The following SERPINE2 variants were observed in gnomAD, a reference collection of about 807,000 sequenced individuals.
SERPINE2 encodes the protein serpin family E member 2.
A neutral mutation model predicts 36.3 loss-of-function variants in SERPINE2; 14 were observed. The observed-to-expected ratio is 0.39, with a 90% CI of 0.25 to 0.60. The LOEUF is 0.60. Ranked by LOEUF, SERPINE2 falls within the 20% of genes least tolerant of loss-of-function variation. The pLI is 0.57. For synonymous variants in SERPINE2, 192 were observed against 191.8 expected (o/e 1.00, Z -0.01); for missense variants, 418 against 499.6 (o/e 0.84, Z 1.56).
At chr2:223,977,679 G>T in intron 7 of SERPINE2, 52 bp from the exon 8 acceptor site, 1 of 1,245,304 alleles carries the variant, frequency 8.0e-7, no homozygotes, top group Non-Finnish European at 1.2e-6. Context: ...GACCATGTAA[G>T]CATAAGGCCA....
intron 5 of SERPINE2, among the ~76,000 whole-genome samples, chr2:223,983,694 GCACACA>G (rs71058970): frequency 1.6e-4 from 3 of 18,940 alleles, no homozygotes; most frequent in East Asian, 9.0e-4. Flanking sequence ...GGAGATATAT[GCACACA>G]CACACACACA....
In SERPINE2 at chr2:224,039,052, G is replaced by A. The variant is rs1445570649; in HGVS notation, c.-23+47C>T. ...AGCCCCGGGGAGCGTCCCCCGCCGA[G>A]GGCAGCGCCGGCCGCGCCCGGGACT... On this transcript the variant is annotated intron_variant, in intron 1 of 8. Transcript: ENST00000409304. The surrounding 1 kb of genome is among the most constrained non-coding windows in gnomAD (Gnocchi z 5.2). 3 of 151,412 alleles carry A rather than the reference G, an allele frequency of 2.0e-5. No homozygotes were observed. Among genetic ancestry groups the A allele is most frequent in the Non-Finnish European group, 3.0e-5 (2 of 67,790 alleles). 9.4% of individuals were successfully genotyped at this position (151,412 alleles called of 1,614,324 possible). A position where few individuals can be genotyped will look rare whatever the true frequency, so the allele number is the denominator to read the frequency against.
At chr2:224,015,209 C>T (rs186898976) in intron 1 of SERPINE2, among the ~76,000 whole-genome samples, 65 of 152,314 alleles carry the variant, frequency 4.3e-4, no homozygotes, top group Non-Finnish European at 7.5e-4. Context: ...AGAGGGGAAA[C>T]AGACCTTAAT....
At chr2:224,014,104 G>C (rs1277119346) in intron 1 of SERPINE2, among the ~76,000 whole-genome samples, 1 of 152,220 alleles carries the variant, frequency 6.6e-6, no homozygotes, top group Non-Finnish European at 1.5e-5. Context: ...GCCATGCGAG[G>C]TGGCTCATGC....
chr2:224,012,442 C>T (rs1181206060), intron 1 of SERPINE2, among the ~76,000 whole-genome samples: 1 of 151,908 alleles, frequency 6.6e-6, no homozygotes, highest in Non-Finnish European at 1.5e-5. Flanking sequence ...AAAAATTATA[C>T]ACAGGCACAA....
At chr2:224,012,389 G>C (rs1056186082) in intron 1 of SERPINE2, among the ~76,000 whole-genome samples, 2 of 152,062 alleles carry the variant, frequency 1.3e-5, no homozygotes, top group African/African-American at 4.8e-5. Flanking sequence ...ATACATTCTG[G>C]ATATATCTTA....
chr2:224,024,294 C>CCA (rs1692111342), intron 1 of SERPINE2, among the ~76,000 whole-genome samples: 1 of 152,100 alleles, frequency 6.6e-6, no homozygotes, highest in Admixed American at 6.6e-5. Context: ...TGATCACTGC[C>CCA]CACCTCTTCC....
intron 1 of SERPINE2, among the ~76,000 whole-genome samples, chr2:224,007,724 G>GTTGT (rs367616904): frequency 2.0e-5 from 3 of 151,934 alleles, no homozygotes; most frequent in South Asian, 4.1e-4. Context: ...TGTTTTTTTG[G>GTTGT]TTGTTTGTTT....
At position 223,983,070 on chromosome 2, in the gene SERPINE2, A is replaced by G. The variant is rs144836779; in HGVS notation, c.885-289T>C. On this transcript the variant is annotated intron_variant, in intron 5 of 8. Coordinates refer to ENST00000409304, the MANE Select transcript of SERPINE2 (RefSeq NM_001136528.2). ...CCAATACTTAGGAAGATCTACAAAC[A>G]TACTTTCTTTTATACTGACGTGGAG... Among the ~76,000 whole-genome samples the G allele has an allele frequency of 2.0e-3, 301 of 152,320 alleles. 1 individual carries two copies. Among genetic ancestry groups the G allele is most frequent in the African/African-American group, 7.0e-3 (290 of 41,566 alleles).
intron 1 of SERPINE2, among the ~76,000 whole-genome samples, chr2:224,037,620 A>G (rs1019699238): frequency 1.3e-5 from 2 of 152,228 alleles, no homozygotes; most frequent in African/African-American, 4.8e-5. Flanking sequence ...GAGGACAGCA[A>G]GGCTGAGATG....
chr2:224,023,573 G>C (rs561007548), intron 1 of SERPINE2, among the ~76,000 whole-genome samples: 1 of 152,286 alleles, frequency 6.6e-6, no homozygotes, highest in South Asian at 2.1e-4. Flanking sequence ...ACACATTTAA[G>C]TCTACAGGTA....
At chr2:224,001,513 A>G (rs1691158972) in intron 2 of SERPINE2, 129 bp downstream of exon 2, 1 of 1,047,838 alleles carries the variant, frequency 9.5e-7, no homozygotes, top group Non-Finnish European at 1.4e-6. Context: ...CCAAGCCCCA[A>G]GTGGCACCAG....
At position 223,987,263 on chromosome 2, in the gene SERPINE2, G is replaced by A. The variant is rs375756676; in HGVS notation, c.686-2313C>T. On this transcript the variant is annotated intron_variant, in intron 4 of 8. Coordinates refer to ENST00000409304, the MANE Select transcript of SERPINE2 (RefSeq NM_001136528.2). ...AAACTGCCGTCTTTTGATGTAAGAA[G>A]CTTTGTAAAATACCTCACTTCTTGC... is the stretch of plus-strand genomic sequence containing the variant. 3.3e-5 allele frequency among the ~76,000 whole-genome samples: 5 copies of A among 152,196 alleles called. No homozygotes were observed. The East Asian group carries it at 7.7e-4, about 23-fold the overall frequency.
chr2:223,997,019 G>C (rs1176588264), intron 3 of SERPINE2, among the ~76,000 whole-genome samples: 3 of 152,164 alleles, frequency 2.0e-5, no homozygotes, highest in Non-Finnish European at 4.4e-5. Flanking sequence ...TGAGGCTGCA[G>C]TGAGCTATGA....
intron 1 of SERPINE2, among the ~76,000 whole-genome samples, chr2:224,024,315 G>A (rs891761436): frequency 1.3e-5 from 2 of 152,144 alleles, no homozygotes; most frequent in Non-Finnish European, 2.9e-5. Flanking sequence ...TGCCAAGCAA[G>A]CACCTATCAA....
chr2:223,991,319 A>T (rs6740547), intron 4 of SERPINE2, among the ~76,000 whole-genome samples: 16,949 of 152,252 alleles, frequency 0.11, 1,350 homozygotes, highest in Admixed American at 0.22. Flanking sequence ...TCCTCGGACC[A>T]CAGATCCCTG....
At chr2:224,038,617 T>G in intron 1 of SERPINE2, 1 of 938,328 alleles carries the variant, frequency 1.1e-6, no homozygotes, top group Non-Finnish European at 1.7e-6. Context: ...GCGCGTCACC[T>G]CCCTCTGCCC....
chr2:224,014,925 A>ATGGT (rs1039129615), intron 1 of SERPINE2, among the ~76,000 whole-genome samples: 2 of 152,198 alleles, frequency 1.3e-5, no homozygotes, highest in African/African-American at 4.8e-5. Context: ...GTCTCAAGGC[A>ATGGT]TGGTTCTCCA....
At chr2:224,002,666 T>TTTC (rs1691233268) in intron 1 of SERPINE2, among the ~76,000 whole-genome samples, 1 of 149,364 alleles carries the variant, frequency 6.7e-6, no homozygotes, top group Admixed American at 6.7e-5. Flanking sequence ...CAATTTTTTT[T>TTTC]TTTTTTTTTT....
Sources: allele counts gnomAD v4.1 joint callset (sites outside exome capture counted in the v4.1 genomes callset), GRCh38; gene constraint gnomAD v4.1.1; non-coding constraint Gnocchi (gnomAD v3.1); transcripts MANE v1.5; gene names NCBI Gene and HGNC (gene_info 2026-07-23, HGNC 2026-07-21).